The following SLC25A32 variants were observed in gnomAD, a reference collection of about 807,000 sequenced individuals.
The protein encoded by SLC25A32 is solute carrier family 25 member 32.
A neutral mutation model predicts 39.0 loss-of-function variants in SLC25A32; 32 were observed. That is an observed-to-expected ratio of 0.82 (90% CI 0.62 to 1.10). The LOEUF is 1.10. Ranked by LOEUF, SLC25A32 falls within the 50% of genes least tolerant of loss-of-function variation. The probability of loss-of-function intolerance (pLI) is 0.00; values close to 1 mark genes in which losing one functional copy is unlikely to be tolerated. For missense variants in SLC25A32, 367 were observed against 395.3 expected (o/e 0.93, Z 0.61); for synonymous variants, 166 against 152.4 (o/e 1.09, Z -0.66).
chr8:103,399,604 CA>C lies in SLC25A32; in HGVS notation c.*806del, dbSNP rs1384332473. ...TGCATTTTTTCTCACTAAAATTTCC[CA>C]ATTCTAAAATGGTCTGGCCAGGCGC... On this transcript the variant is annotated 3_prime_UTR_variant, in exon 7 of 7. Coordinates refer to ENST00000297578, the MANE Select transcript of SLC25A32 (RefSeq NM_030780.5). 1 of 152,144 alleles carries C rather than the reference CA, an allele frequency of 6.6e-6. No homozygotes were observed. Among genetic ancestry groups the C allele is most frequent in the Admixed American group, 6.6e-5 (1 of 15,260 alleles). 9.4% of individuals were successfully genotyped at this position (152,144 alleles called of 1,614,324 possible).
chr8:103,408,671 T>G (rs1816393849), intron 1 of SLC25A32, among the ~76,000 whole-genome samples: 1 of 152,180 alleles, frequency 6.6e-6, no homozygotes, highest in South Asian at 2.1e-4. Context: ...TATCCAAAAT[T>G]GAACTAGTTT....
rs781158650 is a variant in SLC25A32 at position 103,414,821 on chromosome 8, C to G, written c.117G>C (p.Ala39=). The G allele has an allele frequency of 6.2e-7, 1 of 1,613,816 alleles. No homozygotes were observed. The highest frequency in any genetic ancestry group is 8.5e-7 in the Non-Finnish European group (1 of 1,180,030). Residue 39 remains alanine, a synonymous_variant, in exon 1 of 7, where the codon GCG becomes GCC. Transcript: ENST00000297578. ...TCTTCACGAGGTCGAGCGGATGCAG[C>G]GCAAGGTTGGATAAGACGCCGCCGC... ...GVSGGVLSNL[A]LHPLDLVKIR...
chr8:103,414,785 G>A lies in SLC25A32; in HGVS notation c.153C>T (p.Ala51=), dbSNP rs759172485. Residue 51 remains alanine (A), a splice_region_variant and synonymous_variant, in exon 1 of 7, where the codon GCC becomes GCT. Transcript: ENST00000297578. The stretch of plus-strand genomic sequence containing the variant: ...CCCGGTGTCTGGGCGGGCTCTTACC[G>A]GCGAAGCGGATCTTCACGAGGTCGA... ...HPLDLVKIRF[A]VSDGLELRPK... is the part of the protein sequence containing the mutation. 19 of 1,613,564 alleles carry A rather than the reference G, an allele frequency of 1.2e-5. No homozygotes were observed. The East Asian group carries it at 3.1e-4, about 26-fold the overall frequency.
rs1444174575 is a variant in SLC25A32, at chr8:103,403,336, T to C, written c.392-12A>G. The C allele has an allele frequency of 1.3e-6, 2 of 1,586,270 alleles. No homozygotes were observed. Among genetic ancestry groups the C allele is most frequent in the Non-Finnish European group, 1.7e-6 (2 of 1,164,058 alleles). ...GAGGGTCATGGCTCCTAAAATGAGA[T>C]TTCAATAAGATTATTCAGCATACAG... is the stretch of plus-strand genomic sequence containing the variant. On this transcript the variant is annotated splice_polypyrimidine_tract_variant and intron_variant, in intron 3 of 6. Transcript: ENST00000297578.
At chr8:103,414,744 CAGTG>C in intron 1 of SLC25A32, 36 bp downstream of exon 1, 1 of 1,611,896 alleles carries the variant, frequency 6.2e-7, no homozygotes, top group African/African-American at 1.3e-5. Flanking sequence ...TTCGGGCTGA[CAGTG>C]AGAGGATGCA....
At chr8:103,414,479 A>C (rs1041366598) in intron 1 of SLC25A32, among the ~76,000 whole-genome samples, 2 of 152,248 alleles carry the variant, frequency 1.3e-5, no homozygotes, top group Non-Finnish European at 2.9e-5. Context: ...ACTAAACCTT[A>C]AAATGTGACA....
rs1443375188 is a variant in SLC25A32, at chr8:103,398,817, T to C, written c.*1594A>G. 9 of 151,768 alleles carry C rather than the reference T, an allele frequency of 5.9e-5. No homozygotes were observed. Among genetic ancestry groups the C allele is most frequent in the Admixed American group, 5.3e-4 (8 of 15,222 alleles). 9.4% of individuals were successfully genotyped at this position (151,768 alleles called of 1,614,324 possible). A position where few individuals can be genotyped will look rare whatever the true frequency, so the allele number is the denominator to read the frequency against. The stretch of plus-strand genomic sequence containing the variant: ...TCCAGAAGTATGAAAAAATACATCA[T>C]ATTTAACTTATAAAGCATTCATCTG... On this transcript the variant is annotated 3_prime_UTR_variant, in exon 7 of 7. Transcript: ENST00000297578.
intron 1 of SLC25A32, among the ~76,000 whole-genome samples, chr8:103,414,478 T>C (rs945691747): frequency 3.9e-5 from 6 of 152,224 alleles, no homozygotes; most frequent in Non-Finnish European, 7.3e-5. Context: ...GACTAAACCT[T>C]AAAATGTGAC....
chr8:103,414,126 T>C (rs1457521238), intron 1 of SLC25A32, among the ~76,000 whole-genome samples: 4 of 152,260 alleles, frequency 2.6e-5, no homozygotes, highest in African/African-American at 7.2e-5. Context: ...ATAACTTTAT[T>C]TGGAAACTAT....
intron 3 of SLC25A32, 57 bp downstream of exon 3, chr8:103,404,719 C>A (rs2130442159): frequency 7.6e-7 from 1 of 1,316,838 alleles, no homozygotes; most frequent in Non-Finnish European, 1.1e-6. Flanking sequence ...AATCAAAAAC[C>A]AAAACTGAAA....
chr8:103,409,105 A>G (rs1287444837), intron 1 of SLC25A32, among the ~76,000 whole-genome samples: 1 of 152,258 alleles, frequency 6.6e-6, no homozygotes, highest in Non-Finnish European at 1.5e-5. Flanking sequence ...AGCAGGTTAT[A>G]GAAAACCACA....
At chr8:103,410,786 C>T (rs942582484) in intron 1 of SLC25A32, among the ~76,000 whole-genome samples, 6 of 152,022 alleles carry the variant, frequency 3.9e-5, no homozygotes, top group African/African-American at 1.5e-4. Flanking sequence ...GTTTGGTGTA[C>T]AGAAAGGAGC....
rs1002130053 is a variant in SLC25A32, at chr8:103,406,739, T to A, written c.305+895A>T. ...AACAGCGATTTCCTGTGGTACCTAT[T>A]CATATGAGGACCCTAAGGTCTATCC... On this transcript the variant is annotated intron_variant, in intron 2 of 6. Transcript: ENST00000297578. Among the ~76,000 whole-genome samples the A allele has an allele frequency of 2.0e-5, 3 of 152,224 alleles. No individual in the cohort carries two copies. In the East Asian group the frequency reaches 5.8e-4, roughly 29 times the overall value.
Position 103,407,622 on chromosome 8 carries a change from A to T in SLC25A32, c.305+12T>A. 1 of 1,514,828 alleles carries T rather than the reference A, an allele frequency of 6.6e-7. No individual in the cohort carries two copies. The highest frequency in any genetic ancestry group is 8.9e-7 in the Non-Finnish European group (1 of 1,124,556). The allele number at this position is 1,514,828 out of a possible 1,614,324, so 93.8% of individuals were successfully genotyped here. A position where few individuals can be genotyped will look rare whatever the true frequency, so the allele number is the denominator to read the frequency against. On this transcript the variant is annotated intron_variant, in intron 2 of 6. Transcript: ENST00000297578. ...TTAATTTAATACTGTAAAATCTCCC[A>T]AATCTACTCACAAGAAAAAGTAGAG...
chr8:103,401,702 T>C, intron 5 of SLC25A32, 41 bp from the exon 6 acceptor site: 1 of 1,512,500 alleles, frequency 6.6e-7, no homozygotes, highest in Non-Finnish European at 8.9e-7. Context: ...TTAGACAGGA[T>C]TTCTTTAAAA....
chr8:103,408,416 C>G (rs1816389275), intron 1 of SLC25A32, among the ~76,000 whole-genome samples: 1 of 152,152 alleles, frequency 6.6e-6, no homozygotes, highest in Non-Finnish European at 1.5e-5. Context: ...TCTTAGGTAA[C>G]TAGGTTTCAA....
At chr8:103,406,387 G>A (rs1465809118) in intron 2 of SLC25A32, among the ~76,000 whole-genome samples, 1 of 152,154 alleles carries the variant, frequency 6.6e-6, no homozygotes, top group Non-Finnish European at 1.5e-5. Flanking sequence ...GAAATCTGTT[G>A]AAGCAAAGAA....
At chr8:103,409,655 T>C (rs1231835646) in intron 1 of SLC25A32, among the ~76,000 whole-genome samples, 3 of 152,194 alleles carry the variant, frequency 2.0e-5, no homozygotes, top group Non-Finnish European at 4.4e-5. Context: ...TGGTTCACTG[T>C]CCCCTTGCCA....
chr8:103,406,030 T>C (rs1162893419), intron 2 of SLC25A32, among the ~76,000 whole-genome samples: 2 of 151,558 alleles, frequency 1.3e-5, no homozygotes, highest in African/African-American at 2.4e-5. Flanking sequence ...TTGAAGAATC[T>C]ATACAACTCA....
Sources: allele counts gnomAD v4.1 joint callset (sites outside exome capture counted in the v4.1 genomes callset), GRCh38; gene constraint gnomAD v4.1.1; transcripts MANE v1.5; gene names NCBI Gene and HGNC (gene_info 2026-07-23, HGNC 2026-07-21).